The following CAMK2G variants were observed in gnomAD, a reference collection of about 807,000 sequenced individuals.
CAMK2G encodes calcium/calmodulin-dependent protein kinase type II subunit gamma.
Under a neutral mutation model 88.7 loss-of-function variants are expected in CAMK2G, and 23 were observed. The observed-to-expected ratio is 0.26, with a 90% CI of 0.19 to 0.37. The LOEUF (loss-of-function observed/expected upper bound fraction) is 0.37, where lower values mean the gene tolerates loss of function less well. Among genes scored for constraint, CAMK2G ranks in the 10% least tolerant of loss-of-function variants. The probability of loss-of-function intolerance (pLI) is 1.00; values close to 1 mark genes in which losing one functional copy is unlikely to be tolerated. For missense variants in CAMK2G, 476 were observed against 780.8 expected, an observed-to-expected ratio of 0.61 and a Z score of 4.65; for synonymous variants, 263 against 294.8, an observed-to-expected ratio of 0.89 and a Z score of 1.11.
At chr10:73,872,067 G>A (rs977759215) in intron 2 of CAMK2G, among the ~76,000 whole-genome samples, 1 of 152,136 alleles carries the variant, frequency 6.6e-6, no homozygotes, top group African/African-American at 2.4e-5. Flanking sequence ...TTGTCCCCCA[G>A]CTGCACCCTG....
intron 10 of CAMK2G, among the ~76,000 whole-genome samples, chr10:73,845,124 C>A (rs1380424539): frequency 2.0e-5 from 3 of 152,198 alleles, no homozygotes; most frequent in African/African-American, 7.2e-5. Flanking sequence ...CCATCTACAG[C>A]ATAGGAAGAG....
chr10:73,872,958 T>C, intron 2 of CAMK2G, 31 bp downstream of exon 2: 1 of 1,432,922 alleles, frequency 7.0e-7, no homozygotes, highest in South Asian at 1.1e-5. Context: ...GGAGGCACCC[T>C]CAGGAAGAGG....
At chr10:73,873,367 T>G (rs2095910795) in intron 1 of CAMK2G, 2 of 1,298,680 alleles carry the variant, frequency 1.5e-6, no homozygotes, top group African/African-American at 3.0e-5. Context: ...CAGGAGCGGG[T>G]GGGCGATGCT....
intron 2 of CAMK2G, among the ~76,000 whole-genome samples, chr10:73,872,496 T>C (rs1346148691): frequency 1.3e-5 from 2 of 152,246 alleles, no homozygotes; most frequent in Non-Finnish European, 2.9e-5. Flanking sequence ...CCTCCCCTGA[T>C]GTTTACAGAT....
intron 14 of CAMK2G, among the ~76,000 whole-genome samples, chr10:73,836,070 G>A (rs1271116762): frequency 1.3e-5 from 2 of 152,114 alleles, no homozygotes; most frequent in East Asian, 3.9e-4. Flanking sequence ...CTGACCCCAG[G>A]TGATCCACCC....
At chr10:73,843,192 T>G (rs1305166580) in intron 10 of CAMK2G, among the ~76,000 whole-genome samples, 1 of 151,864 alleles carries the variant, frequency 6.6e-6, no homozygotes, top group Non-Finnish European at 1.5e-5. Flanking sequence ...GCCTCCCGAG[T>G]AGCTGGGACT....
At chr10:73,847,936 A>T (rs1444468919) in intron 9 of CAMK2G, 52 bp downstream of exon 9, 1 of 928,084 alleles carries the variant, frequency 1.1e-6, no homozygotes, top group South Asian at 1.3e-5. Context: ...GAGCCCGAGG[A>T]GCAAGGACAT....
rs2094410810 is a variant in CAMK2G, at chr10:73,848,596, G to A, written c.531C>T (p.Thr177=). The A allele has an allele frequency of 1.2e-6, 2 of 1,609,882 alleles. No homozygotes were observed. The highest frequency in any genetic ancestry group is 1.7e-6 in the Non-Finnish European group (2 of 1,177,428). ...AGACCTCAGGGGACAAGTAACCTGG[G>A]GTGCCAGCAAAACCTGTAGCAAAAG... is the stretch of plus-strand genomic sequence containing the variant. ...EQQAWFGFAG[T]PGYLSPEVLR... is the part of the protein sequence containing the mutation. The change falls in exon 8 of 23, where the codon ACC becomes ACT. Residue 177 remains threonine (T), a synonymous_variant. Coordinates refer to ENST00000423381, the MANE Select transcript of CAMK2G (RefSeq NM_001367534.1). The surrounding 1 kb of genome is among the most constrained non-coding windows in gnomAD (Gnocchi z 4.5).
intron 15 of CAMK2G, among the ~76,000 whole-genome samples, chr10:73,826,451 G>A (rs1237305104): frequency 3.3e-5 from 5 of 151,826 alleles, no homozygotes; most frequent in South Asian, 4.2e-4. Flanking sequence ...AAAAGCAAAC[G>A]AACAAACAAA....
chr10:73,821,846 A>C (rs1454159433), intron 17 of CAMK2G, 116 bp from the exon 18 acceptor site: 7 of 832,784 alleles, frequency 8.4e-6, no homozygotes, highest in Non-Finnish European at 1.4e-5. Context: ...GAATTGTGGA[A>C]GGTTCTGCTT....
At chr10:73,823,980 C>G in intron 17 of CAMK2G, 60 bp downstream of exon 17, 1 of 1,377,542 alleles carries the variant, frequency 7.3e-7, no homozygotes, top group Non-Finnish European at 1.0e-6. Flanking sequence ...ACCCCTGGGA[C>G]CCAGCCCACC....
At position 73,839,815 on chromosome 10, in the gene CAMK2G, G is replaced by A. The variant is rs188720856; in HGVS notation, c.947-214C>T. 3.9e-5 allele frequency among the ~76,000 whole-genome samples: 6 copies of A among 152,186 alleles called. No individual in the cohort carries two copies. Among genetic ancestry groups the A allele is most frequent in the Non-Finnish European group, 7.4e-5 (5 of 68,010 alleles). On this transcript the variant is annotated intron_variant, in intron 12 of 22. Coordinates refer to ENST00000423381, the MANE Select transcript of CAMK2G (RefSeq NM_001367534.1). The surrounding 1 kb of genome is among the most constrained non-coding windows in gnomAD (Gnocchi z 4.2). The stretch of plus-strand genomic sequence containing the variant: ...AGACCGGGCTGGGCCAGGGCATAGG[G>A]AACACTGCGTCCCCACCAGATGGAG...
chr10:73,816,749 G>A (rs745307215), intron 21 of CAMK2G: 14 of 1,400,280 alleles, frequency 1.0e-5, no homozygotes, highest in African/African-American at 7.2e-5. Flanking sequence ...GTAAGCCACC[G>A]CGCCCGGCAA....
At chr10:73,841,959 G>C in intron 12 of CAMK2G, 1 of 589,464 alleles carries the variant, frequency 1.7e-6, no homozygotes, top group South Asian at 2.0e-5. Flanking sequence ...GGAAGTTCTA[G>C]GAAACAATTC....
At chr10:73,832,904 A>G (rs10458656) in intron 14 of CAMK2G, among the ~76,000 whole-genome samples, 23,950 of 150,472 alleles carry the variant, frequency 0.16, 2,104 homozygotes, top group South Asian at 0.23. Flanking sequence ...ATAGGTACGC[A>G]CCACTGTGTC....
At chr10:73,860,471 G>A (rs574741056) in intron 3 of CAMK2G, among the ~76,000 whole-genome samples, 21 of 152,300 alleles carry the variant, frequency 1.4e-4, no homozygotes, top group African/African-American at 4.1e-4. Flanking sequence ...ACCCTTGCAT[G>A]AGGGCTGTGG....
intron 2 of CAMK2G, among the ~76,000 whole-genome samples, chr10:73,862,529 A>G (rs1413268039): frequency 6.6e-6 from 1 of 152,158 alleles, no homozygotes; most frequent in Non-Finnish European, 1.5e-5. Flanking sequence ...ATGGATTACC[A>G]TATTTCATAC....
chr10:73,828,262 A>G, intron 14 of CAMK2G, 141 bp from the exon 15 acceptor site: 1 of 709,438 alleles, frequency 1.4e-6, no homozygotes, highest in Non-Finnish European at 2.5e-6. Context: ...GTCCAGCACC[A>G]GAGGGTTAAA....
At chr10:73,831,906 A>G (rs990141852) in intron 14 of CAMK2G, among the ~76,000 whole-genome samples, 3 of 151,938 alleles carry the variant, frequency 2.0e-5, no homozygotes, top group Non-Finnish European at 4.4e-5. Context: ...TAATACAAGC[A>G]CATGTCTTAC....
Sources: allele counts gnomAD v4.1 joint callset (sites outside exome capture counted in the v4.1 genomes callset), GRCh38; gene constraint gnomAD v4.1.1; non-coding constraint Gnocchi (gnomAD v3.1); transcripts MANE v1.5; gene names NCBI Gene and HGNC (gene_info 2026-07-23, HGNC 2026-07-21).